Variants in FRAS1 observed in about 807,000 individuals in gnomAD.
FRAS1 encodes extracellular matrix organizing protein FRAS1.
A neutral mutation model predicts 435.2 loss-of-function variants in FRAS1; 290 were observed. That is an observed-to-expected ratio of 0.67 (90% CI 0.61 to 0.73). FRAS1 has a LOEUF of 0.73. Among genes scored for constraint, FRAS1 ranks in the 30% least tolerant of loss-of-function variants. FRAS1 has a pLI of 0.00. For missense variants in FRAS1, 4,860 were observed against 5,001.5 expected, an observed-to-expected ratio of 0.97 and a Z score of 0.85; for synonymous variants, 1,800 against 1,851.0, an observed-to-expected ratio of 0.97 and a Z score of 0.71.
At chr4:78,284,238 T>G (rs867430499) in intron 12 of FRAS1, among the ~76,000 whole-genome samples, 167 bp from the exon 13 acceptor site, 4 of 148,672 alleles carry the variant, frequency 2.7e-5, no homozygotes, top group African/African-American at 7.3e-5. Context: ...TATTTTTTTT[T>G]TTTTTTTTTT....
chr4:78,533,684 A>T (rs1359020606), intron 70 of FRAS1, among the ~76,000 whole-genome samples: 1 of 152,200 alleles, frequency 6.6e-6, no homozygotes, highest in African/African-American at 2.4e-5. Context: ...TTTCACTGAG[A>T]TAATAACACT....
chr4:78,194,488 TC>T (rs1722706146), intron 2 of FRAS1, among the ~76,000 whole-genome samples: 1 of 152,242 alleles, frequency 6.6e-6, no homozygotes, highest in Non-Finnish European at 1.5e-5. Flanking sequence ...TTCTTTTTTC[TC>T]TAAACTTCTC....
chr4:78,439,537 T>C (rs908757611), intron 40 of FRAS1, among the ~76,000 whole-genome samples: 1 of 152,260 alleles, frequency 6.6e-6, no homozygotes, highest in Non-Finnish European at 1.5e-5. Flanking sequence ...GTGCCAGTTC[T>C]GTGACTCATC....
chr4:78,391,037 T>C (rs74510164), intron 29 of FRAS1, among the ~76,000 whole-genome samples: 65 of 152,306 alleles, frequency 4.3e-4, no homozygotes, highest in African/African-American at 1.4e-3. Context: ...TTTTTTGGTT[T>C]TTTTTGGATG....
chr4:78,089,639 T>C (rs1741400537), intron 2 of FRAS1, among the ~76,000 whole-genome samples: 1 of 108,252 alleles, frequency 9.2e-6, no homozygotes, highest in Admixed American at 9.5e-5. Flanking sequence ...TTTGTTTACC[T>C]GAAGAACACA....
chr4:78,466,244 C>A lies in FRAS1; in HGVS notation c.7066C>A (p.Arg2356Ser), dbSNP rs1229209820. 3 of 1,613,904 alleles carry A rather than the reference C, an allele frequency of 1.9e-6. No homozygotes were observed. The highest frequency in any genetic ancestry group is 2.2e-5 in the South Asian group (2 of 91,066). The stretch of plus-strand genomic sequence containing the variant: ...CACATTCACCATCGTGCAGCCTCCA[C>A]GCCATGGCACCATCGAGCGAACCAG... ...SVTFTIVQPP[R>S]HGTIERTSNG... The change falls in exon 50 of 74, where the codon CGC becomes AGC. Residue 2356 changes from arginine (R) to serine (S), a missense_variant. Coordinates refer to ENST00000512123, the MANE Select transcript of FRAS1 (RefSeq NM_025074.7).
At chr4:78,263,995 C>T (rs1387065348) in intron 6 of FRAS1, among the ~76,000 whole-genome samples, 1 of 152,110 alleles carries the variant, frequency 6.6e-6, no homozygotes, top group Non-Finnish European at 1.5e-5. Flanking sequence ...GCATGAATAC[C>T]AGAGTAACAA....
At chr4:78,245,977 G>T (rs1364947281) in intron 4 of FRAS1, among the ~76,000 whole-genome samples, 3 of 151,992 alleles carry the variant, frequency 2.0e-5, no homozygotes, top group Non-Finnish European at 4.4e-5. Flanking sequence ...TTTCCCTTGG[G>T]GGCAAAATGC....
intron 2 of FRAS1, among the ~76,000 whole-genome samples, chr4:78,175,182 C>T (rs1578167303): frequency 1.3e-5 from 2 of 152,108 alleles, no homozygotes; most frequent in African/African-American, 2.4e-5. Context: ...TTTGTTGGGG[C>T]GGGGAGCAAG....
intron 2 of FRAS1, among the ~76,000 whole-genome samples, chr4:78,171,465 T>C (rs1269682650): frequency 6.6e-6 from 1 of 152,198 alleles, no homozygotes; most frequent in East Asian, 1.9e-4. Flanking sequence ...ATACTATGCT[T>C]AGAATTCTTC....
At chr4:78,404,892 C>G (rs913834401) in intron 30 of FRAS1, among the ~76,000 whole-genome samples, 1 of 152,174 alleles carries the variant, frequency 6.6e-6, no homozygotes, top group African/African-American at 2.4e-5. Flanking sequence ...TTTCTATATT[C>G]TGACCACATG....
At chr4:78,117,751 T>G (rs1325723012) in intron 2 of FRAS1, among the ~76,000 whole-genome samples, 1 of 152,390 alleles carries the variant, frequency 6.6e-6, no homozygotes, top group East Asian at 1.9e-4. Context: ...TTCAAGGTTT[T>G]TAACTTCTTT....
chr4:78,104,387 C>A (rs1742284589), intron 2 of FRAS1, among the ~76,000 whole-genome samples: 1 of 152,160 alleles, frequency 6.6e-6, no homozygotes, highest in South Asian at 2.1e-4. Context: ...ACAACCTTGG[C>A]AGATGGGTGG....
chr4:78,215,798 G>A (rs1277207469), intron 2 of FRAS1, among the ~76,000 whole-genome samples: 1 of 152,148 alleles, frequency 6.6e-6, no homozygotes, highest in Non-Finnish European at 1.5e-5. Flanking sequence ...TCCTTCCTAA[G>A]CTGATTGATA....
chr4:78,058,813 T>C (rs1371426008), intron 1 of FRAS1, among the ~76,000 whole-genome samples: 1 of 152,226 alleles, frequency 6.6e-6, no homozygotes, highest in East Asian at 1.9e-4. Flanking sequence ...GTTGTCGCCA[T>C]GATATCAAAT....
intron 14 of FRAS1, among the ~76,000 whole-genome samples, 151 bp downstream of exon 14, chr4:78,286,690 A>G (rs1010418059): frequency 2.6e-5 from 4 of 152,216 alleles, no homozygotes; most frequent in East Asian, 1.9e-4. Context: ...GATGAGGAGA[A>G]CAGTGTGTTA....
intron 54 of FRAS1, among the ~76,000 whole-genome samples, chr4:78,476,992 A>ATT (rs1560749423): frequency 1.2e-4 from 18 of 148,562 alleles, no homozygotes; most frequent in African/African-American, 4.4e-4. Context: ...TTCTTTTTAA[A>ATT]AAAAAAAAAA....
chr4:78,449,615 C>A (rs904593844), intron 44 of FRAS1, among the ~76,000 whole-genome samples: 1 of 152,176 alleles, frequency 6.6e-6, no homozygotes, highest in East Asian at 1.9e-4. Flanking sequence ...TCATCCCCAA[C>A]ACCTGCGCAG....
At chr4:78,279,089 C>T (rs1727199918) in intron 10 of FRAS1, among the ~76,000 whole-genome samples, 1 of 152,136 alleles carries the variant, frequency 6.6e-6, no homozygotes, top group Non-Finnish European at 1.5e-5. Flanking sequence ...GGATGTGTTC[C>T]TTTACATAAA....
Sources: gnomAD v4.1 joint callset for allele counts (sites outside exome capture counted in the v4.1 genomes callset) on GRCh38, gnomAD v4.1.1 for gene constraint, MANE v1.5 for transcripts, NCBI Gene and HGNC (gene_info 2026-07-23, HGNC 2026-07-21) for gene names.